AKNA: variants seen among roughly 807,000 people sequenced by gnomAD.
AKNA encodes the protein microtubule organization protein AKNA.
In AKNA, 67 loss-of-function variants were observed where a neutral mutation model predicts 138.8. The observed-to-expected ratio is 0.48, with a 90% CI of 0.40 to 0.59. The LOEUF (loss-of-function observed/expected upper bound fraction) is 0.59. AKNA is among the 20% of genes least tolerant of loss of function. The pLI is 0.00. For synonymous variants in AKNA, 737 were observed against 754.4 expected (o/e 0.98, Z 0.38); for missense variants, 1,813 against 1,880.4 (o/e 0.96, Z 0.66).
rs970435803 is a variant in AKNA, at chr9:114,336,617, T to G, written c.*437A>C. 1 of 163,006 alleles carries G rather than the reference T, an allele frequency of 6.1e-6. No homozygotes were observed. The highest frequency in any genetic ancestry group is 1.3e-5 in the Non-Finnish European group (1 of 75,784). The allele number at this position is 163,006 out of a possible 1,614,324, so 10.1% of individuals were successfully genotyped here. On this transcript the variant is annotated 3_prime_UTR_variant, in exon 22 of 22. Coordinates refer to ENST00000374088, the MANE Select transcript of AKNA (RefSeq NM_001317950.2). ...TTGCCCCAGAGTGACTGGTCACAGG[T>G]GGGGGACAGGTTTGCTCCAGAAACC... is the stretch of plus-strand genomic sequence containing the variant.
Position 114,336,904 on chromosome 9 carries a change from G to A in AKNA, c.*150C>T. 9.9e-7 allele frequency: 1 copy of A among 1,007,994 alleles called. No individual in the cohort carries two copies. The allele number at this position is 1,007,994 out of a possible 1,614,324, so 62.4% of individuals were successfully genotyped here. A position where few individuals can be genotyped will look rare whatever the true frequency, so the allele number is the denominator to read the frequency against. ...CACCCCCTCCACTTGGAAAGCACAG[G>A]GACTGAGCAGGCGGGACCTGTGCTG... On this transcript the variant is annotated 3_prime_UTR_variant, in exon 22 of 22. Transcript: ENST00000374088.
intron 4 of AKNA, among the ~76,000 whole-genome samples, chr9:114,372,230 GGAGT>G (rs1410725229): frequency 2.0e-5 from 3 of 152,144 alleles, no homozygotes; most frequent in African/African-American, 2.4e-5. Context: ...CCAGAAAGCG[GGAGT>G]GAGTGAGCTG....
chr9:114,359,810 C>A lies in AKNA; in HGVS notation c.2292-16G>T. 6.2e-7 allele frequency: 1 copy of A among 1,603,648 alleles called. No individual in the cohort carries two copies. ...ACTGAGGTACCTGCAGAAGAACACA[C>A]AGAGGGGCATGACCTCTGCCCAGTG... is the stretch of plus-strand genomic sequence containing the variant. On this transcript the variant is annotated splice_polypyrimidine_tract_variant and intron_variant, in intron 10 of 21. Transcript: ENST00000374088.
In AKNA at chr9:114,357,957, C is replaced by A. The variant is rs760248626; in HGVS notation, c.2703G>T (p.Gln901His). Residue 901 changes from glutamine to histidine, a missense_variant, in exon 12 of 22, where the codon CAG becomes CAT. Physicochemically the swap from Gln to His is conservative, Grantham distance 24. Transcript: ENST00000374088. ...EGSGISERLP[Q>H]KPLHRGGGPH... ...GCCCACCGCCTCGGTGCAAAGGCTT[C>A]TGTGGAAGGCGCTCAGAGATGCCGC... The A allele has an allele frequency of 6.2e-7, 1 of 1,601,778 alleles. No homozygotes were observed. Among genetic ancestry groups the A allele is most frequent in the Non-Finnish European group, 8.5e-7 (1 of 1,175,936 alleles).
chr9:114,346,180 C>T (rs986119087), intron 17 of AKNA, among the ~76,000 whole-genome samples, 171 bp from the exon 18 acceptor site: 11 of 152,192 alleles, frequency 7.2e-5, no homozygotes, highest in Admixed American at 2.0e-4. Flanking sequence ...CCGTGCCAAG[C>T]GCTAGTCTAG....
chr9:114,361,948 T>C (rs1832000912), intron 8 of AKNA, 37 bp from the exon 9 acceptor site: 4 of 1,594,290 alleles, frequency 2.5e-6, no homozygotes, highest in Non-Finnish European at 3.4e-6. Flanking sequence ...GAGCCCAAGA[T>C]GGCAGCTACA....
chr9:114,370,623 C>T (rs1053554745), intron 4 of AKNA, among the ~76,000 whole-genome samples: 13 of 144,626 alleles, frequency 9.0e-5, no homozygotes, highest in African/African-American at 2.9e-4. Flanking sequence ...CCCGGGTGCT[C>T]CCCAAGGCTG....
In AKNA at chr9:114,336,495, G is replaced by A. The variant is rs1830001816; in HGVS notation, c.*559C>T. 1 of 152,438 alleles carries A rather than the reference G, an allele frequency of 6.6e-6. No homozygotes were observed. Among genetic ancestry groups the A allele is most frequent in the South Asian group, 2.1e-4 (1 of 4,832 alleles). The allele number at this position is 152,438 out of a possible 1,614,324, so 9.4% of individuals were successfully genotyped here. A position where few individuals can be genotyped will look rare whatever the true frequency, so the allele number is the denominator to read the frequency against. On this transcript the variant is annotated 3_prime_UTR_variant, in exon 22 of 22. Coordinates refer to ENST00000374088, the MANE Select transcript of AKNA (RefSeq NM_001317950.2). ...AGGCCTCTGCTGCCATAGAAAAGCT[G>A]GACACATGTCACCCTGGGGCCCTGA...
upstream of AKNA, among the ~76,000 whole-genome samples, chr9:114,388,372 C>T (rs1395070870): frequency 6.6e-6 from 1 of 152,210 alleles, no homozygotes; most frequent in African/African-American, 2.4e-5. Context: ...AGCCGAGGCT[C>T]CTTCCCTCAC....
rs758904162 is a variant in AKNA at position 114,337,174 on chromosome 9, C to T, written c.4200G>A (p.Lys1400=). The change falls in exon 22 of 22, where the codon AAG becomes AAA. Residue 1400 remains lysine (K), a synonymous_variant. Coordinates refer to ENST00000374088, the MANE Select transcript of AKNA (RefSeq NM_001317950.2). ...CAGCCTGCACGGCCCGGCTCAGGGC[C>T]TTGTTGAGCTCCTCTAGGTCGCCCA... ...LDLGDLEELN[K]ALSRAVQAAE... 9 of 1,610,680 alleles carry T rather than the reference C, an allele frequency of 5.6e-6. No homozygotes were observed. Among genetic ancestry groups the T allele is most frequent in the Non-Finnish European group, 7.6e-6 (9 of 1,177,720 alleles).
rs1833245553 is a variant in AKNA, at chr9:114,376,770, G to T, written c.1037C>A (p.Ala346Asp). The T allele has an allele frequency of 1.2e-6, 2 of 1,612,680 alleles. No homozygotes were observed. Among genetic ancestry groups the T allele is most frequent in the Non-Finnish European group, 1.7e-6 (2 of 1,179,140 alleles). ...ATLAGRSSSNAPKYGRGQLNY... is the reference protein window; with the variant it reads ...ATLAGRSSSNDPKYGRGQLNY... Reference sequence around the variant, plus strand: ...CAACTGCCCCCGGCCATACTTGGGGGCATTAGAAGAGGAGCGGCCAGCCAG... The same window carrying T: ...CAACTGCCCCCGGCCATACTTGGGGTCATTAGAAGAGGAGCGGCCAGCCAG... Residue 346 changes from alanine to aspartate, a missense_variant, in exon 3 of 22, where the codon GCC becomes GAC. Ala to Asp is a moderately radical substitution (Grantham distance 126). Transcript: ENST00000374088.
At chr9:114,366,357 T>C (rs1832356999) in intron 6 of AKNA, among the ~76,000 whole-genome samples, 1 of 151,492 alleles carries the variant, frequency 6.6e-6, no homozygotes, top group East Asian at 1.9e-4. Flanking sequence ...GAAAACATCA[T>C]GGTAAGTGAC....
Position 114,355,976 on chromosome 9 carries a change from G to A in AKNA, c.3007C>T (p.Arg1003Trp), listed in dbSNP as rs555086524. The change falls in exon 14 of 22, where the codon CGG becomes TGG. Residue 1003 changes from arginine to tryptophan, a missense_variant. Arg to Trp is a moderately radical substitution (Grantham distance 101). Transcript: ENST00000374088. ...AGGCTGAAGTTGGGTGCCCTCTGCC[G>A]GAGAGGCCCACTTGGGCTGGAGAGG... ...RYLSSPSGPL[R>W]QRAPNFSLER... is the part of the protein sequence containing the mutation. The A allele has an allele frequency of 1.5e-5, 25 of 1,614,174 alleles. No homozygotes were observed. The highest frequency in any genetic ancestry group is 6.7e-5 in the East Asian group (3 of 44,888).
intron 15 of AKNA, 83 bp downstream of exon 15, chr9:114,350,776 C>A (rs1831054814): frequency 7.0e-7 from 1 of 1,437,522 alleles, no homozygotes; most frequent in Non-Finnish European, 9.3e-7. Flanking sequence ...GGGCAGGTCT[C>A]CACCTCCACC....
intron 11 of AKNA, among the ~76,000 whole-genome samples, chr9:114,358,852 A>G (rs1270436772): frequency 6.6e-6 from 1 of 151,964 alleles, no homozygotes; most frequent in East Asian, 1.9e-4. Context: ...GAGGGATAGC[A>G]TTAGGAGATA....
At chr9:114,375,132 G>T (rs534940684) in intron 3 of AKNA, among the ~76,000 whole-genome samples, 1 of 152,210 alleles carries the variant, frequency 6.6e-6, no homozygotes, top group African/African-American at 2.4e-5. Flanking sequence ...GGTCTGGAAG[G>T]GAAATGGTCA....
At position 114,356,000 on chromosome 9, in the gene AKNA, G is replaced by C. The variant is rs1166871571; in HGVS notation, c.2983C>G (p.Leu995Val). The C allele has an allele frequency of 6.2e-7, 1 of 1,614,210 alleles. No individual in the cohort carries two copies. Among genetic ancestry groups the C allele is most frequent in the African/African-American group, 1.3e-5 (1 of 75,056 alleles). ...STPRSQAQRY[L>V]SSPSGPLRQR... ...CGGAGAGGCCCACTTGGGCTGGAGA[G>C]GTACCTCTGTGCTTGGCTCCGGGGT... is the stretch of plus-strand genomic sequence containing the variant. The change falls in exon 14 of 22, where the codon CTC becomes GTC. Residue 995 changes from leucine (L) to valine (V), a missense_variant. Coordinates refer to ENST00000374088, the MANE Select transcript of AKNA (RefSeq NM_001317950.2).
intron 19 of AKNA, among the ~76,000 whole-genome samples, chr9:114,343,253 A>G (rs1221337181): frequency 2.8e-4 from 42 of 152,228 alleles, no homozygotes; most frequent in Non-Finnish European, 1.8e-4. Context: ...TCCTTTCATT[A>G]TAGATGTGGT....
downstream of AKNA, chr9:114,331,764 C>T (rs1829857144): frequency 6.3e-7 from 1 of 1,588,526 alleles, no homozygotes; most frequent in African/African-American, 1.4e-5. Flanking sequence ...GAACCCCAGC[C>T]CTCCCTGGCC....
Sources: gnomAD v4.1 joint callset for allele counts (sites outside exome capture counted in the v4.1 genomes callset) on GRCh38, gnomAD v4.1.1 for gene constraint, MANE v1.5 for transcripts, NCBI Gene and HGNC (gene_info 2026-07-23, HGNC 2026-07-21) for gene names.